The following AMPH variants were observed in gnomAD, a reference collection of about 807,000 sequenced individuals.
The protein encoded by AMPH is amphiphysin (Stiff-Mann syndrome with breast cancer 128kD autoantigen).
In AMPH, 49 loss-of-function variants were observed where a neutral mutation model predicts 99.1. The ratio of observed to expected loss-of-function variants is 0.49; its 90% CI spans 0.39 to 0.63. AMPH has a LOEUF of 0.63. Ranked by LOEUF, AMPH falls within the 20% of genes least tolerant of loss-of-function variation. The pLI is 0.00. For missense variants in AMPH, 759 were observed against 863.4 expected, an observed-to-expected ratio of 0.88 and a Z score of 1.52; for synonymous variants, 314 against 317.3, an observed-to-expected ratio of 0.99 and a Z score of 0.11.
chr7:38,426,863 G>T, intron 15 of AMPH, 91 bp downstream of exon 15: 1 of 1,167,672 alleles, frequency 8.6e-7, no homozygotes, highest in Non-Finnish European at 1.3e-6. Context: ...TAATCATTAC[G>T]CTATACTAGT....
At chr7:38,463,208 C>A (rs774951208) in intron 9 of AMPH, 95 bp from the exon 10 acceptor site, 18 of 1,539,876 alleles carry the variant, frequency 1.2e-5, no homozygotes, top group Non-Finnish European at 1.5e-5. Flanking sequence ...AGAAGCCTAA[C>A]AGGTACTGTC....
intron 1 of AMPH, among the ~76,000 whole-genome samples, chr7:38,620,548 T>TACATAC (rs762126304): frequency 1.5e-5 from 2 of 133,098 alleles, no homozygotes; most frequent in East Asian, 2.4e-4. Context: ...TATACATACA[T>TACATAC]ACACACACAC....
chr7:38,479,074 T>G (rs1179230782), intron 5 of AMPH, among the ~76,000 whole-genome samples: 7 of 152,098 alleles, frequency 4.6e-5, no homozygotes, highest in Admixed American at 4.6e-4. Flanking sequence ...CTGAAAATTT[T>G]TTTTAAATAA....
chr7:38,621,618 T>A (rs1794067187), intron 1 of AMPH, among the ~76,000 whole-genome samples: 1 of 152,180 alleles, frequency 6.6e-6, no homozygotes, highest in South Asian at 2.1e-4. Flanking sequence ...AAAAATCATA[T>A]ATATATTTAT....
intron 1 of AMPH, among the ~76,000 whole-genome samples, chr7:38,536,062 C>T (rs926393414): frequency 2.6e-5 from 4 of 152,080 alleles, no homozygotes; most frequent in South Asian, 4.2e-4. Context: ...ATGCTAAACA[C>T]GGGTCACCCA....
At chr7:38,579,147 A>G (rs990095251) in intron 1 of AMPH, among the ~76,000 whole-genome samples, 2 of 152,226 alleles carry the variant, frequency 1.3e-5, no homozygotes, top group Non-Finnish European at 2.9e-5. Context: ...CTAAGGACAG[A>G]TAGAAAGACC....
Position 38,590,242 on chromosome 7 carries a change from G to A in AMPH, c.69+41041C>T, listed in dbSNP as rs761761344. Among the ~76,000 whole-genome samples the A allele has an allele frequency of 5.9e-5, 9 of 152,102 alleles. No homozygotes were observed. In the East Asian group the frequency reaches 1.4e-3, roughly 23 times the overall value. ...GACTAGTGTTCAGCTTGATTAGGAC[G>A]AACCCAGGCACTTAGCTGTGCAGGA... is the stretch of plus-strand genomic sequence containing the variant. On this transcript the variant is annotated intron_variant, in intron 1 of 20. Coordinates refer to ENST00000356264, the MANE Select transcript of AMPH (RefSeq NM_001635.4).
At chr7:38,411,154 C>A (rs1248258823) in intron 17 of AMPH, among the ~76,000 whole-genome samples, 1 of 152,180 alleles carries the variant, frequency 6.6e-6, no homozygotes, top group Non-Finnish European at 1.5e-5. Flanking sequence ...CTCTTTGTGT[C>A]CGTTTTCTTA....
chr7:38,543,814 CA>C (rs1790898246), intron 1 of AMPH, among the ~76,000 whole-genome samples: 1 of 151,922 alleles, frequency 6.6e-6, no homozygotes, highest in Non-Finnish European at 1.5e-5. Context: ...AATCTCTATT[CA>C]AAAAAATCCA....
At chr7:38,569,680 G>A (rs899842558) in intron 1 of AMPH, among the ~76,000 whole-genome samples, 1 of 152,112 alleles carries the variant, frequency 6.6e-6, no homozygotes, top group African/African-American at 2.4e-5. Context: ...GTTTTGGGAT[G>A]AAAAGCAAAT....
At chr7:38,576,808 C>T (rs988543863) in intron 1 of AMPH, among the ~76,000 whole-genome samples, 2 of 152,172 alleles carry the variant, frequency 1.3e-5, no homozygotes, top group Admixed American at 6.5e-5. Flanking sequence ...GCTGGACTTA[C>T]AGTCAGAATC....
At chr7:38,524,811 A>T (rs888577408) in intron 2 of AMPH, among the ~76,000 whole-genome samples, 6 of 152,130 alleles carry the variant, frequency 3.9e-5, no homozygotes, top group African/African-American at 1.4e-4. Flanking sequence ...TGAAAATCTG[A>T]TGTGGCAATA....
chr7:38,410,890 A>C (rs1010870750), intron 17 of AMPH, among the ~76,000 whole-genome samples: 6 of 152,244 alleles, frequency 3.9e-5, no homozygotes, highest in Non-Finnish European at 5.9e-5. Flanking sequence ...CTCCTCAGCC[A>C]CAAACCAGGA....
rs142047922 is a variant in AMPH, at chr7:38,405,501, G to A, written c.1399-11287C>T. ...CCCACAGGCTCCAAGTAAAGGGGCT[G>A]GAAATGATATATGATGCAACTGGAA... On this transcript the variant is annotated intron_variant, in intron 17 of 20. Coordinates refer to ENST00000356264, the MANE Select transcript of AMPH (RefSeq NM_001635.4). Among the ~76,000 whole-genome samples, 56 of 152,208 alleles carry A rather than the reference G, an allele frequency of 3.7e-4. 1 individual carries two copies. The East Asian group carries it at 9.8e-3, about 27-fold the overall frequency.
intron 3 of AMPH, among the ~76,000 whole-genome samples, chr7:38,500,945 C>T (rs1383866343): frequency 6.6e-6 from 1 of 152,210 alleles, no homozygotes; most frequent in Non-Finnish European, 1.5e-5. Context: ...TTAGCACAGA[C>T]TCTAACACAT....
intron 3 of AMPH, among the ~76,000 whole-genome samples, chr7:38,496,022 G>T (rs2129022809): frequency 6.6e-6 from 1 of 152,316 alleles, no homozygotes; most frequent in South Asian, 2.1e-4. Flanking sequence ...CAGCCGGAAG[G>T]TGGGACCTGG....
chr7:38,540,149 C>A (rs948249910), intron 1 of AMPH, among the ~76,000 whole-genome samples: 5 of 152,176 alleles, frequency 3.3e-5, no homozygotes, highest in African/African-American at 1.2e-4. Context: ...CACCTACAGG[C>A]AAAAGGAAGA....
chr7:38,553,786 T>C lies in AMPH; in HGVS notation c.70-18775A>G, dbSNP rs140284452. 2.8e-3 allele frequency among the ~76,000 whole-genome samples: 430 copies of C among 152,352 alleles called. 3 individuals carry two copies. The highest frequency in any genetic ancestry group is 1.0e-2 in the African/African-American group (414 of 41,590). On this transcript the variant is annotated intron_variant, in intron 1 of 20. Coordinates refer to ENST00000356264, the MANE Select transcript of AMPH (RefSeq NM_001635.4). ...TGGTGGTTTTCACAGCAAAGCCCTC[T>C]GGGCAGGGCTGGAATCACATGCTTG...
At position 38,564,834 on chromosome 7, in the gene AMPH, A is replaced by G. The variant is rs192421951; in HGVS notation, c.70-29823T>C. On this transcript the variant is annotated intron_variant, in intron 1 of 20. Coordinates refer to ENST00000356264, the MANE Select transcript of AMPH (RefSeq NM_001635.4). Reference sequence around the variant, plus strand: ...ATCTATAAATGCATACCATAAAAAGAAAAGAACCGGCCGGGCGCAGTGGCT... The same window carrying G: ...ATCTATAAATGCATACCATAAAAAGGAAAGAACCGGCCGGGCGCAGTGGCT... Among the ~76,000 whole-genome samples, 446 of 152,286 alleles carry G rather than the reference A, an allele frequency of 2.9e-3. 6 individuals carry two copies. Among genetic ancestry groups the G allele is most frequent in the African/African-American group, 0.01 (425 of 41,560 alleles).
Sources: allele counts gnomAD v4.1 joint callset (sites outside exome capture counted in the v4.1 genomes callset), GRCh38; gene constraint gnomAD v4.1.1; transcripts MANE v1.5; gene names NCBI Gene and HGNC (gene_info 2026-07-23, HGNC 2026-07-21).